Variants in CCDC171 observed in about 807,000 individuals in gnomAD.
The protein encoded by CCDC171 is coiled-coil domain-containing protein 171.
A neutral mutation model predicts 168.2 loss-of-function variants in CCDC171; 177 were observed. The observed-to-expected ratio is 1.05, with a 90% CI of 0.93 to 1.19. The LOEUF is 1.19. CCDC171 is among the 50% of genes most tolerant of loss of function. CCDC171 has a pLI of 0.00. For synonymous variants in CCDC171, 687 were observed against 540.8 expected, an observed-to-expected ratio of 1.27 and a Z score of -3.75; for missense variants, 1,991 against 1,539.0, an observed-to-expected ratio of 1.29 and a Z score of -4.91.
intron 25 of CCDC171, 81 bp downstream of exon 25, chr9:15,920,503 A>G: frequency 2.0e-6 from 2 of 986,604 alleles, no homozygotes; most frequent in South Asian, 4.1e-5. Flanking sequence ...TGTTCATAAG[A>G]TCATTTGCCA....
At chr9:16,045,870 G>A (rs1282161990) in intron 1 of CCDC171, among the ~76,000 whole-genome samples, 2 of 152,120 alleles carry the variant, frequency 1.3e-5, no homozygotes, top group African/African-American at 2.4e-5. Flanking sequence ...TCTAAGAAAA[G>A]GTTAGATAAA....
intron 3 of CCDC171, among the ~76,000 whole-genome samples, chr9:16,016,256 C>T (rs1169096337): frequency 1.3e-5 from 2 of 152,096 alleles, no homozygotes; most frequent in Non-Finnish European, 2.9e-5. Flanking sequence ...TTACTACCTC[C>T]TCCAAGACAT....
intron 3 of CCDC171, among the ~76,000 whole-genome samples, chr9:16,006,579 C>A: frequency 2.1e-5 from 3 of 145,244 alleles, no homozygotes; most frequent in South Asian, 4.5e-4. Flanking sequence ...TATCCCTCCC[C>A]CCTCCCCTCA....
chr9:15,646,271 T>C (rs1178429380), intron 7 of CCDC171, among the ~76,000 whole-genome samples: 1 of 152,138 alleles, frequency 6.6e-6, no homozygotes, highest in Non-Finnish European at 1.5e-5. Context: ...AAGGAAAAAC[T>C]GATACGAGCC....
intron 16 of CCDC171, among the ~76,000 whole-genome samples, chr9:15,742,663 T>C (rs2054961195): frequency 6.6e-6 from 1 of 152,224 alleles, no homozygotes; most frequent in African/African-American, 2.4e-5. Context: ...GTCCCATTGA[T>C]AGAATATGGC....
intron 10 of CCDC171, among the ~76,000 whole-genome samples, chr9:15,685,140 C>G (rs1156694637): frequency 6.6e-6 from 1 of 152,094 alleles, no homozygotes; most frequent in Non-Finnish European, 1.5e-5. Context: ...TATCATTAAC[C>G]TAAACTTATT....
intron 1 of CCDC171, among the ~76,000 whole-genome samples, chr9:16,047,985 G>T (rs1302824772): frequency 6.6e-6 from 1 of 152,218 alleles, no homozygotes; most frequent in African/African-American, 2.4e-5. Flanking sequence ...TCTCAGAGAG[G>T]TAGGGAGTGG....
chr9:15,976,500 G>C (rs181218348), downstream of CCDC171, among the ~76,000 whole-genome samples: 9 of 152,000 alleles, frequency 5.9e-5, no homozygotes, highest in East Asian at 1.5e-3. Flanking sequence ...GTTTTAAAAA[G>C]ATGCCTTAAA....
chr9:15,607,701 G>T (rs1045557827), intron 6 of CCDC171, among the ~76,000 whole-genome samples: 1 of 152,088 alleles, frequency 6.6e-6, no homozygotes, highest in Non-Finnish European at 1.5e-5. Context: ...GAGCTCCAGT[G>T]ATCCACCCGC....
chr9:15,562,551 GA>G (rs1049538743), intron 1 of CCDC171, among the ~76,000 whole-genome samples: 1 of 152,054 alleles, frequency 6.6e-6, no homozygotes, highest in African/African-American at 2.4e-5. Flanking sequence ...TAACTTTATT[GA>G]AACAACTTTA....
intron 21 of CCDC171, among the ~76,000 whole-genome samples, chr9:15,801,424 T>G (rs2058815067): frequency 6.6e-6 from 1 of 151,992 alleles, no homozygotes; most frequent in Admixed American, 6.6e-5. Flanking sequence ...ATTGTTTACT[T>G]TAGGCATATG....
chr9:15,822,029 C>T (rs2059795895), intron 21 of CCDC171, among the ~76,000 whole-genome samples: 1 of 152,124 alleles, frequency 6.6e-6, no homozygotes, highest in African/African-American at 2.4e-5. Flanking sequence ...AATAATGCTG[C>T]ATATCTACAA....
rs1483956664 is a variant in CCDC171 at position 15,867,783 on chromosome 9, A to C, written c.3469-6749A>C. On this transcript the variant is annotated intron_variant, in intron 23 of 25. Transcript: ENST00000380701. Reference sequence around the variant, plus strand: ...CGTGTATCTGTCTTTATCCTTTAAAATAATTTATCTTCAGAATGAAAATAT... The same window carrying C: ...CGTGTATCTGTCTTTATCCTTTAAACTAATTTATCTTCAGAATGAAAATAT... Among the ~76,000 whole-genome samples the C allele has an allele frequency of 1.3e-5, 2 of 152,118 alleles. 1 individual carries two copies. Among genetic ancestry groups the C allele is most frequent in the African/African-American group, 4.8e-5 (2 of 41,462 alleles).
intron 21 of CCDC171, among the ~76,000 whole-genome samples, chr9:15,792,258 A>G (rs1294346584): frequency 6.6e-6 from 1 of 152,246 alleles, no homozygotes; most frequent in African/African-American, 2.4e-5. Flanking sequence ...TGAAGTGAGA[A>G]GAGAAGTTTA....
At chr9:16,073,249 C>G in the CCDC171 span, among the ~76,000 whole-genome samples, 1 of 152,158 alleles carries the variant, frequency 6.6e-6, no homozygotes, top group Admixed American at 6.5e-5. Flanking sequence ...AGGAAAGCAT[C>G]CATATACTCG....
At chr9:16,107,625 A>G in the CCDC171 span, among the ~76,000 whole-genome samples, 2 of 152,220 alleles carry the variant, frequency 1.3e-5, no homozygotes, top group African/African-American at 4.8e-5. Context: ...ACATATGTAA[A>G]CAATATATAT....
At chr9:15,933,722 C>G (rs1479237003) in intron 25 of CCDC171, among the ~76,000 whole-genome samples, 1 of 151,878 alleles carries the variant, frequency 6.6e-6, no homozygotes, top group African/African-American at 2.4e-5. Flanking sequence ...TAAAATGTCC[C>G]TCTTAATTTT....
chr9:16,093,462 T>C, the CCDC171 span, among the ~76,000 whole-genome samples: 1 of 152,314 alleles, frequency 6.6e-6, no homozygotes. Flanking sequence ...AACATTTCTT[T>C]TGAAGGAAAG....
chr9:15,729,662 T>A lies in CCDC171; in HGVS notation c.1913T>A (p.Leu638His). 1 of 1,613,150 alleles carries A rather than the reference T, an allele frequency of 6.2e-7. No individual in the cohort carries two copies. The highest frequency in any genetic ancestry group is 8.5e-7 in the Non-Finnish European group (1 of 1,179,428). ...CKNKSDTMRELQQTQEDTFTK... is the reference protein window; with the variant it reads ...CKNKSDTMREHQQTQEDTFTK... Reference sequence around the variant, plus strand: ...AACAAGTCTGACACGATGAGAGAGCTTCAGCAGACTCAGGAAGACACCTTT... The same window carrying A: ...AACAAGTCTGACACGATGAGAGAGCATCAGCAGACTCAGGAAGACACCTTT... Residue 638 changes from leucine (L) to histidine (H), a missense_variant, in exon 16 of 26, where the codon CTT becomes CAT. Coordinates refer to ENST00000380701, the MANE Select transcript of CCDC171 (RefSeq NM_173550.4).
Sources: allele counts gnomAD v4.1 joint callset (sites outside exome capture counted in the v4.1 genomes callset), GRCh38; gene constraint gnomAD v4.1.1; transcripts MANE v1.5; gene names NCBI Gene and HGNC (gene_info 2026-07-23, HGNC 2026-07-21).